GRM7: variants seen among roughly 807,000 people sequenced by gnomAD.
GRM7 encodes the protein metabotropic glutamate receptor 7.
In GRM7, 35 loss-of-function variants were observed where a neutral mutation model predicts 84.5. That is an observed-to-expected ratio of 0.41 (90% CI 0.32 to 0.55). The LOEUF is 0.55. Ranked by LOEUF, GRM7 falls within the 20% of genes least tolerant of loss-of-function variation. The pLI, the probability that GRM7 is intolerant of heterozygous loss-of-function variation, is 0.19. For synonymous variants in GRM7, 487 were observed against 455.1 expected (o/e 1.07, Z -0.89); for missense variants, 1,003 against 1,194.6 (o/e 0.84, Z 2.36).
At chr3:7,683,917 A>C (rs1382302135) in intron 9 of GRM7, among the ~76,000 whole-genome samples, 1 of 126,172 alleles carries the variant, frequency 7.9e-6, no homozygotes, top group East Asian at 2.4e-4. Context: ...TAGCATTGAT[A>C]CTGATCTAGG....
At chr3:7,014,667 T>C (rs1695497889) in intron 1 of GRM7, among the ~76,000 whole-genome samples, 1 of 152,224 alleles carries the variant, frequency 6.6e-6, no homozygotes, top group Non-Finnish European at 1.5e-5. Flanking sequence ...CCGTATTTAC[T>C]GTGTTCTGCC....
chr3:7,623,653 T>A (rs1050226605), intron 8 of GRM7, among the ~76,000 whole-genome samples: 7 of 152,098 alleles, frequency 4.6e-5, no homozygotes, highest in African/African-American at 1.7e-4. Flanking sequence ...AAGCATCTCC[T>A]ACAACCAGGA....
chr3:6,990,974 T>C (rs1023598847), intron 1 of GRM7, among the ~76,000 whole-genome samples: 4 of 151,958 alleles, frequency 2.6e-5, no homozygotes, highest in African/African-American at 7.3e-5. Flanking sequence ...GAGGCAAAGA[T>C]AGGAGAATTG....
At chr3:7,182,352 G>C (rs1695368655) in intron 2 of GRM7, among the ~76,000 whole-genome samples, 1 of 151,992 alleles carries the variant, frequency 6.6e-6, no homozygotes, top group Non-Finnish European at 1.5e-5. Context: ...TAGCTATTTT[G>C]AATAGTTTGC....
At chr3:7,146,004 T>C (rs1694098630) in intron 1 of GRM7, among the ~76,000 whole-genome samples, 1 of 152,194 alleles carries the variant, frequency 6.6e-6, no homozygotes, top group African/African-American at 2.4e-5. Context: ...CCACAATCAA[T>C]CGATGTTAGA....
intron 9 of GRM7, among the ~76,000 whole-genome samples, chr3:7,718,629 T>G (rs1701841366): frequency 6.6e-6 from 1 of 151,880 alleles, no homozygotes; most frequent in Non-Finnish European, 1.5e-5. Flanking sequence ...AAATAGAAAT[T>G]TAAAAAGCCA....
intron 7 of GRM7, chr3:7,519,788 C>G (rs558077454): frequency 6.6e-6 from 1 of 152,196 alleles, no homozygotes; most frequent in Non-Finnish European, 1.5e-5. Flanking sequence ...GTGGGGATAA[C>G]TTGTCTTAGC....
intron 9 of GRM7, among the ~76,000 whole-genome samples, chr3:7,697,618 G>C (rs1000676836): frequency 6.6e-6 from 1 of 152,218 alleles, no homozygotes; most frequent in Non-Finnish European, 1.5e-5. Flanking sequence ...ACTCATAGAT[G>C]ATGAGCAGTG....
chr3:7,578,415 G>A lies in GRM7; in HGVS notation c.1516-7G>A, dbSNP rs748791087. ...CCTGATTCACCTTCTTATTTCTTAT[G>A]TTACAGATAGAAGACATGCAGTGGG... On this transcript the variant is annotated splice_polypyrimidine_tract_variant and splice_region_variant and intron_variant, in intron 7 of 9. Transcript: ENST00000357716. 1.3e-6 allele frequency: 2 copies of A among 1,576,228 alleles called. No individual in the cohort carries two copies. The highest frequency in any genetic ancestry group is 1.7e-5 in the Admixed American group (1 of 57,754).
At chr3:7,453,126 A>G (rs958968470) in intron 6 of GRM7, among the ~76,000 whole-genome samples, 2 of 151,076 alleles carry the variant, frequency 1.3e-5, no homozygotes, top group African/African-American at 2.4e-5. Flanking sequence ...TGCTGTAGGT[A>G]CCTCTGAATA....
chr3:7,362,951 G>C (rs922422946), intron 4 of GRM7, among the ~76,000 whole-genome samples: 2 of 151,866 alleles, frequency 1.3e-5, no homozygotes, highest in African/African-American at 4.8e-5. Context: ...CCTCATGTCT[G>C]CAAGAAAATA....
At chr3:7,639,385 C>G (rs1255607708) in intron 8 of GRM7, among the ~76,000 whole-genome samples, 1 of 152,178 alleles carries the variant, frequency 6.6e-6, no homozygotes, top group African/African-American at 2.4e-5. Context: ...AAGTGTAATT[C>G]CCCAAGCTGC....
intron 7 of GRM7, among the ~76,000 whole-genome samples, chr3:7,487,242 A>G (rs1699354969): frequency 6.6e-6 from 1 of 152,172 alleles, no homozygotes; most frequent in Non-Finnish European, 1.5e-5. Context: ...AGAGTAATTT[A>G]AAGACAAAGT....
Position 7,230,438 on chromosome 3 carries a change from C to T in GRM7, c.737-68246C>T, listed in dbSNP as rs541532939. ...CAGATTGCTATTGAGTAGTAAGTGC[C>T]TTGAATTCTCATCATCTGATTAGGA... On this transcript the variant is annotated intron_variant, in intron 2 of 9. Transcript: ENST00000357716. 2.0e-5 allele frequency among the ~76,000 whole-genome samples: 3 copies of T among 152,240 alleles called. No individual in the cohort carries two copies. In the South Asian group the frequency reaches 6.2e-4, roughly 32 times the overall value.
intron 8 of GRM7, among the ~76,000 whole-genome samples, chr3:7,647,524 G>T (rs1698701522): frequency 6.6e-6 from 1 of 152,222 alleles, no homozygotes; most frequent in Non-Finnish European, 1.5e-5. Flanking sequence ...TATTGAGGAG[G>T]CTGGAATTTA....
At chr3:7,140,915 T>A (rs1693925127) in intron 1 of GRM7, among the ~76,000 whole-genome samples, 1 of 152,032 alleles carries the variant, frequency 6.6e-6, no homozygotes, top group African/African-American at 2.4e-5. Context: ...GAGTTCCCTT[T>A]CAATTCTAAA....
intron 8 of GRM7, among the ~76,000 whole-genome samples, chr3:7,671,439 C>T (rs560024138): frequency 1.3e-5 from 2 of 152,190 alleles, no homozygotes; most frequent in South Asian, 4.2e-4. Flanking sequence ...AACATAATCA[C>T]TTATCTCATG....
At chr3:7,375,272 G>C (rs187409106) in intron 4 of GRM7, among the ~76,000 whole-genome samples, 4 of 142,984 alleles carry the variant, frequency 2.8e-5, no homozygotes, top group Non-Finnish European at 6.0e-5. Context: ...AGGCCAAAGT[G>C]CAGTAGTATG....
At chr3:7,081,567 A>T (rs1698277642) in intron 1 of GRM7, among the ~76,000 whole-genome samples, 1 of 152,070 alleles carries the variant, frequency 6.6e-6, no homozygotes. Flanking sequence ...GCCTCTAATT[A>T]TTCAAGTGAA....
Sources: allele counts gnomAD v4.1 joint callset (sites outside exome capture counted in the v4.1 genomes callset), GRCh38; gene constraint gnomAD v4.1.1; transcripts MANE v1.5; gene names NCBI Gene and HGNC (gene_info 2026-07-23, HGNC 2026-07-21).